The following PLCB4 variants were observed in gnomAD, a reference collection of about 807,000 sequenced individuals.
PLCB4 encodes phospholipase C beta 4.
PLCB4 carries 77 observed loss-of-function variants against 178.8 expected under a neutral mutation model. The observed-to-expected ratio is 0.43, with a 90% confidence interval of 0.36 to 0.52. The LOEUF is 0.52. PLCB4 is among the 20% of genes least tolerant of loss of function. The probability of loss-of-function intolerance (pLI) is 0.00; values close to 1 mark genes in which losing one functional copy is unlikely to be tolerated. For synonymous variants in PLCB4, 496 were observed against 490.8 expected (o/e 1.01, Z -0.14); for missense variants, 1,024 against 1,453.4 (o/e 0.70, Z 4.80).
chr20:9,459,711 T>C lies in PLCB4; in HGVS notation c.3149T>C (p.Ile1050Thr). Residue 1050 changes from isoleucine (I) to threonine (T), a missense_variant, in exon 35 of 40, where the codon ATC (isoleucine) becomes ACC (threonine). Around this residue, in one of 7 missense-constraint regions of PLCB4, gnomAD observed 264 missense variants for 283.2 expected, o/e 0.93. Coordinates refer to ENST00000378473, the MANE Select transcript of PLCB4 (RefSeq NM_001377142.1). ...ACCCACAGTGCTGAGGAGCAAGAAA[T>C]CCGAGACCTGCACCTCAGCCAGCAG... ...INTHSAEEQE[I>T]RDLHLSQQCE... 6.2e-7 allele frequency: 1 copy of C among 1,612,284 alleles called. No individual in the cohort carries two copies. Among genetic ancestry groups the C allele is most frequent in the Non-Finnish European group, 8.5e-7 (1 of 1,178,684 alleles).
In PLCB4 at chr20:9,105,064, G is replaced by A. The variant is rs532379177; in HGVS notation, c.-79+8722G>A. On this transcript the variant is annotated intron_variant, in intron 2 of 39. Transcript: ENST00000378473. ...ATTTTTAAAAAAATGAGTGAATGAA[G>A]ATATGAATGAAATTAACAGAGTATG... Among the ~76,000 whole-genome samples the A allele has an allele frequency of 5.0e-4, 76 of 152,138 alleles. 1 individual carries two copies. Among genetic ancestry groups the A allele is most frequent in the African/African-American group, 1.7e-3 (72 of 41,514 alleles).
At chr20:9,175,748 G>A (rs1418293730) in intron 2 of PLCB4, among the ~76,000 whole-genome samples, 2 of 152,098 alleles carry the variant, frequency 1.3e-5, no homozygotes, top group Admixed American at 1.3e-4. Context: ...GTCATTCAAA[G>A]TAAACCCCAC....
intron 3 of PLCB4, among the ~76,000 whole-genome samples, chr20:9,271,313 A>G (rs929258574): frequency 2.0e-5 from 3 of 152,136 alleles, no homozygotes; most frequent in Admixed American, 2.0e-4. Flanking sequence ...ATTCTACCCC[A>G]GACATTCTGC....
chr20:9,391,854 C>G (rs1304971708), intron 17 of PLCB4, among the ~76,000 whole-genome samples: 1 of 152,210 alleles, frequency 6.6e-6, no homozygotes. Flanking sequence ...CTGCTCTTCT[C>G]TGCCTTCCAG....
At chr20:9,138,564 G>T (rs2092428903) in intron 2 of PLCB4, among the ~76,000 whole-genome samples, 1 of 151,976 alleles carries the variant, frequency 6.6e-6, no homozygotes, top group Non-Finnish European at 1.5e-5. Flanking sequence ...TACTAAATTT[G>T]CCATTACACA....
At chr20:9,138,477 G>A (rs2092427155) in intron 2 of PLCB4, among the ~76,000 whole-genome samples, 1 of 151,936 alleles carries the variant, frequency 6.6e-6, no homozygotes, top group African/African-American at 2.4e-5. Context: ...TTTAATTCAG[G>A]AGCATCTCAA....
chr20:9,396,798 C>T (rs1460481004), intron 19 of PLCB4, among the ~76,000 whole-genome samples: 1 of 152,112 alleles, frequency 6.6e-6, no homozygotes, highest in Non-Finnish European at 1.5e-5. Flanking sequence ...AGTAAGTGTT[C>T]AATAACAGCA....
intron 3 of PLCB4, among the ~76,000 whole-genome samples, chr20:9,300,095 A>G: frequency 6.6e-6 from 1 of 152,178 alleles, no homozygotes; most frequent in East Asian, 1.9e-4. Context: ...GGATGATCTG[A>G]TGACAGCTTG....
chr20:9,081,595 C>T (rs556257707), intron 1 of PLCB4, among the ~76,000 whole-genome samples: 12 of 152,188 alleles, frequency 7.9e-5, no homozygotes, highest in Non-Finnish European at 1.2e-4. Context: ...CTACTTTAGT[C>T]CTCCTGTTGA....
In PLCB4 at chr20:9,447,549, C is replaced by T. The variant is rs977675546; in HGVS notation, c.2880+3306C>T. 2.6e-5 allele frequency among the ~76,000 whole-genome samples: 4 copies of T among 152,290 alleles called. No individual in the cohort carries two copies. In the South Asian group the frequency reaches 8.3e-4, roughly 32 times the overall value. ...CATCACTTCCACCTCATTTTTTGGC[C>T]AAAGTAGGTCCTAAGTCTGGCCTTA... is the stretch of plus-strand genomic sequence containing the variant. On this transcript the variant is annotated intron_variant, in intron 32 of 39. Transcript: ENST00000378473.
At chr20:9,383,842 AG>A (rs2037353384) in intron 13 of PLCB4, among the ~76,000 whole-genome samples, 1 of 152,210 alleles carries the variant, frequency 6.6e-6, no homozygotes, top group Non-Finnish European at 1.5e-5. Flanking sequence ...AATTGACAGA[AG>A]AAGAAGCTGA....
intron 2 of PLCB4, among the ~76,000 whole-genome samples, chr20:9,152,730 G>C (rs902163277): frequency 6.6e-6 from 1 of 152,152 alleles, no homozygotes; most frequent in Non-Finnish European, 1.5e-5. Flanking sequence ...ACTGCCTAGT[G>C]GAGTTGTGGG....
chr20:9,139,996 G>C (rs1265701007), intron 2 of PLCB4, among the ~76,000 whole-genome samples: 1 of 152,108 alleles, frequency 6.6e-6, no homozygotes, highest in Non-Finnish European at 1.5e-5. Context: ...TCTGAGGCTT[G>C]AGATAACTTT....
intron 3 of PLCB4, among the ~76,000 whole-genome samples, chr20:9,247,733 T>C (rs2147460522): frequency 6.6e-6 from 1 of 152,294 alleles, no homozygotes; most frequent in East Asian, 1.9e-4. Flanking sequence ...AGAGCAATTA[T>C]GTAAACATAG....
At chr20:9,425,610 T>C (rs2040943095) in intron 28 of PLCB4, among the ~76,000 whole-genome samples, 1 of 152,252 alleles carries the variant, frequency 6.6e-6, no homozygotes, top group Non-Finnish European at 1.5e-5. Context: ...TATTTAAGTA[T>C]TTAGCCAAAT....
chr20:9,119,775 T>G (rs1280956506), intron 2 of PLCB4, among the ~76,000 whole-genome samples: 1 of 152,218 alleles, frequency 6.6e-6, no homozygotes, highest in African/African-American at 2.4e-5. Flanking sequence ...CGCAGTACGG[T>G]AAGTTTTATA....
chr20:9,306,567 C>T (rs1489243669), intron 3 of PLCB4, among the ~76,000 whole-genome samples: 1 of 152,208 alleles, frequency 6.6e-6, no homozygotes, highest in Non-Finnish European at 1.5e-5. Flanking sequence ...TATACTCTCT[C>T]TTCCCTCTGA....
At chr20:9,359,688 T>G (rs2035151407) in intron 7 of PLCB4, among the ~76,000 whole-genome samples, 1 of 152,186 alleles carries the variant, frequency 6.6e-6, no homozygotes. Flanking sequence ...ATCCAGCCAA[T>G]GACTTGTGTT....
chr20:9,206,299 CTTTTTTT>C (rs71184138), intron 2 of PLCB4, among the ~76,000 whole-genome samples: 7,347 of 96,156 alleles, frequency 0.076, 368 homozygotes, highest in African/African-American at 0.2. Context: ...TTTCTTTTTT[CTTTTTTT>C]TTTTTTTTTT....
Sources: gnomAD v4.1 joint callset for allele counts (sites outside exome capture counted in the v4.1 genomes callset) on GRCh38, gnomAD v4.1.1 for gene constraint, gnomAD v4.1.1 regional missense constraint, MANE v1.5 for transcripts, NCBI Gene and HGNC (gene_info 2026-07-23, HGNC 2026-07-21) for gene names.